COL5A2: variants seen among roughly 807,000 people sequenced by gnomAD.
COL5A2 encodes collagen alpha-2(V) chain.
Under a neutral mutation model 208.2 loss-of-function variants are expected in COL5A2, and 23 were observed. The ratio of observed to expected loss-of-function variants is 0.11; its 90% confidence interval spans 0.08 to 0.16. COL5A2 has a LOEUF of 0.16. COL5A2 is among the 10% of genes least tolerant of loss of function. The probability of loss-of-function intolerance (pLI) is 1.00; values close to 1 mark genes in which losing one functional copy is unlikely to be tolerated. For synonymous variants in COL5A2, 625 were observed against 628.5 expected (o/e 0.99, Z 0.08); for missense variants, 1,590 against 1,956.4 (o/e 0.81, Z 3.53).
At chr2:189,318,471 T>C in the COL5A2 span, among the ~76,000 whole-genome samples, 3 of 152,282 alleles carry the variant, frequency 2.0e-5, no homozygotes, top group African/African-American at 7.2e-5. Context: ...TCAAAATTTA[T>C]TTTAAAAGGG....
chr2:189,271,987 G>A, the COL5A2 span, among the ~76,000 whole-genome samples: 5 of 152,068 alleles, frequency 3.3e-5, no homozygotes, highest in South Asian at 2.1e-4. Flanking sequence ...TTAGAATGGC[G>A]ATCATTAAAA....
At chr2:189,262,156 A>G in the COL5A2 span, among the ~76,000 whole-genome samples, 2 of 152,154 alleles carry the variant, frequency 1.3e-5, no homozygotes, top group Non-Finnish European at 2.9e-5. Flanking sequence ...ATTACATACA[A>G]ATAATTTGAA....
At chr2:189,044,894 G>C (rs1018862921) in intron 47 of COL5A2, among the ~76,000 whole-genome samples, 2 of 151,998 alleles carry the variant, frequency 1.3e-5, no homozygotes, top group Non-Finnish European at 2.9e-5. Context: ...AGCTCAGAGA[G>C]AAATGCACTA....
At chr2:189,038,151 C>G (rs1209976650) in intron 51 of COL5A2, among the ~76,000 whole-genome samples, 2 of 151,980 alleles carry the variant, frequency 1.3e-5, no homozygotes, top group African/African-American at 2.4e-5. Flanking sequence ...AGCATAGTAT[C>G]CAATAGGTAA....
At chr2:189,438,895 G>A in the COL5A2 span, among the ~76,000 whole-genome samples, 7 of 152,202 alleles carry the variant, frequency 4.6e-5, no homozygotes, top group South Asian at 1.0e-3. Context: ...CAATGATCTA[G>A]GAGACCCTAT....
chr2:189,088,254 G>T (rs1404352643), intron 8 of COL5A2, among the ~76,000 whole-genome samples: 1 of 152,196 alleles, frequency 6.6e-6, no homozygotes, highest in Non-Finnish European at 1.5e-5. Flanking sequence ...CCATAGAGCT[G>T]TTGGAATAAG....
At chr2:189,140,925 T>C (rs1027980556) in intron 1 of COL5A2, among the ~76,000 whole-genome samples, 1 of 152,204 alleles carries the variant, frequency 6.6e-6, no homozygotes, top group Non-Finnish European at 1.5e-5. Context: ...ATATTACTTG[T>C]TAATTAACCT....
intron 1 of COL5A2, among the ~76,000 whole-genome samples, chr2:189,196,600 A>G (rs1689004922): frequency 6.6e-6 from 1 of 151,232 alleles, no homozygotes; most frequent in Admixed American, 6.6e-5. Flanking sequence ...AGGAAAAATT[A>G]TAATTTTGAA....
chr2:189,337,693 C>A, the COL5A2 span, among the ~76,000 whole-genome samples: 5 of 152,050 alleles, frequency 3.3e-5, no homozygotes, highest in Non-Finnish European at 7.4e-5. Context: ...TGCAACTCTT[C>A]TGCTCTAATA....
intron 1 of COL5A2, among the ~76,000 whole-genome samples, chr2:189,210,810 T>G (rs927481531): frequency 7.9e-5 from 12 of 152,310 alleles, no homozygotes; most frequent in Admixed American, 2.0e-4. Flanking sequence ...TGTCTAAATA[T>G]TTGCTTCTCT....
chr2:189,070,759 G>A (rs1686256687), intron 18 of COL5A2, among the ~76,000 whole-genome samples: 1 of 152,142 alleles, frequency 6.6e-6, no homozygotes, highest in Non-Finnish European at 1.5e-5. Context: ...GATTTTGCAT[G>A]TTTTGATAGG....
the COL5A2 span, among the ~76,000 whole-genome samples, chr2:189,391,551 G>A: frequency 6.6e-6 from 1 of 152,120 alleles, no homozygotes; most frequent in South Asian, 2.1e-4. Flanking sequence ...TAATTACTCT[G>A]GATTGTCTTT....
intron 1 of COL5A2, among the ~76,000 whole-genome samples, chr2:189,146,645 T>C (rs1688045307): frequency 6.6e-6 from 1 of 152,168 alleles, no homozygotes; most frequent in Admixed American, 6.6e-5. Context: ...ATCTGGCCAT[T>C]ATTAAAAAAG....
chr2:189,436,271 C>A, the COL5A2 span, among the ~76,000 whole-genome samples: 1 of 151,988 alleles, frequency 6.6e-6, no homozygotes, highest in African/African-American at 2.4e-5. Context: ...CAACAAAAAC[C>A]AAAATTGACA....
chr2:189,323,980 A>T, the COL5A2 span, among the ~76,000 whole-genome samples: 1 of 152,214 alleles, frequency 6.6e-6, no homozygotes, highest in Non-Finnish European at 1.5e-5. Flanking sequence ...AGAGATACAG[A>T]CCAGTGGAAC....
Position 189,052,924 on chromosome 2 carries a change from G to T in COL5A2, c.2648C>A (p.Ser883Tyr), listed in dbSNP as rs773515722. Residue 883 changes from serine (S) to tyrosine (Y), a missense_variant, in exon 39 of 54, where the codon TCC (serine) becomes TAC (tyrosine). Ser to Tyr is a moderately radical substitution (Grantham distance 144). Coordinates refer to ENST00000374866, the MANE Select transcript of COL5A2 (RefSeq NM_000393.5). ...GSPGPQGLAGSPGPHGPNGVP... is the reference protein window; with the variant it reads ...GSPGPQGLAGYPGPHGPNGVP... ...TTGTTAACTTACATGAGGGCCAGGG[G>T]ATCCTGCTAAACCTTGTGGTCCAGG... The T allele has an allele frequency of 4.3e-5, 70 of 1,613,918 alleles. No individual in the cohort carries two copies. The highest frequency in any genetic ancestry group is 5.8e-5 in the Non-Finnish European group (68 of 1,179,980).
At chr2:189,228,026 A>C (rs1689440377), upstream of COL5A2, among the ~76,000 whole-genome samples, 1 of 152,040 alleles carries the variant, frequency 6.6e-6, no homozygotes, top group Admixed American at 6.6e-5. Context: ...CTGCAGAAAG[A>C]AAACAAAAAT....
the COL5A2 span, among the ~76,000 whole-genome samples, chr2:189,241,849 T>C: frequency 1.3e-5 from 2 of 152,178 alleles, no homozygotes; most frequent in African/African-American, 2.4e-5. Context: ...CAAACTATAC[T>C]CATTTGCACT....
At chr2:189,164,021 A>G (rs1357907464) in intron 1 of COL5A2, among the ~76,000 whole-genome samples, 1 of 152,188 alleles carries the variant, frequency 6.6e-6, no homozygotes, top group Non-Finnish European at 1.5e-5. Flanking sequence ...CTTTAACTGC[A>G]TGTTTCTCTC....
Sources: allele counts gnomAD v4.1 joint callset (sites outside exome capture counted in the v4.1 genomes callset), GRCh38; gene constraint gnomAD v4.1.1; transcripts MANE v1.5; gene names NCBI Gene and HGNC (gene_info 2026-07-23, HGNC 2026-07-21).